Variants in KIAA1328 observed in about 807,000 individuals in gnomAD.
KIAA1328 encodes the protein KIAA1328.
In KIAA1328, 52 loss-of-function variants were observed where a neutral mutation model predicts 68.1. That is an observed-to-expected ratio of 0.76 (90% CI 0.61 to 0.96). The LOEUF is 0.96. KIAA1328 is among the 40% of genes least tolerant of loss of function. The pLI is 0.00. For missense variants in KIAA1328, 641 were observed against 677.6 expected (o/e 0.95, Z 0.60); for synonymous variants, 232 against 239.4 (o/e 0.97, Z 0.28).
At chr18:36,911,603 A>G (rs370054288) in intron 5 of KIAA1328, among the ~76,000 whole-genome samples, 164 of 152,278 alleles carry the variant, frequency 1.1e-3, no homozygotes, top group Middle Eastern at 6.8e-3. Context: ...TTTCTAAAGC[A>G]TTGAGACAAG....
chr18:36,941,782 G>A (rs2050722716), intron 5 of KIAA1328, among the ~76,000 whole-genome samples: 2 of 151,914 alleles, frequency 1.3e-5, no homozygotes, highest in Admixed American at 6.6e-5. Flanking sequence ...ACTACTGTAT[G>A]GTCAGTTCTG....
chr18:37,086,420 A>G (rs1476746053), intron 7 of KIAA1328, among the ~76,000 whole-genome samples: 1 of 152,166 alleles, frequency 6.6e-6, no homozygotes, highest in African/African-American at 2.4e-5. Flanking sequence ...CTGCTCTAGT[A>G]TGAACTTTAT....
At chr18:36,838,827 C>T (rs1465217926) in intron 3 of KIAA1328, among the ~76,000 whole-genome samples, 2 of 152,072 alleles carry the variant, frequency 1.3e-5, no homozygotes, top group Non-Finnish European at 2.9e-5. Context: ...CTCCGCTTCC[C>T]AGGTTCAAGT....
chr18:37,194,386 A>AT (rs1177795142), intron 9 of KIAA1328, among the ~76,000 whole-genome samples: 1 of 152,070 alleles, frequency 6.6e-6, no homozygotes, highest in African/African-American at 2.4e-5. Context: ...AAAGTATTCT[A>AT]TTTTTTTGTC....
At chr18:37,065,401 G>C (rs1489209334) in intron 6 of KIAA1328, among the ~76,000 whole-genome samples, 2 of 152,126 alleles carry the variant, frequency 1.3e-5, no homozygotes, top group Admixed American at 1.3e-4. Context: ...AGAGTAAATA[G>C]GCCTTGGAAA....
At chr18:36,909,704 C>T (rs2049358765) in intron 5 of KIAA1328, among the ~76,000 whole-genome samples, 1 of 152,172 alleles carries the variant, frequency 6.6e-6, no homozygotes, top group Admixed American at 6.5e-5. Flanking sequence ...CTTGAGGAAT[C>T]GCCACACTGT....
chr18:37,207,152 C>A (rs1214441812), intron 9 of KIAA1328, among the ~76,000 whole-genome samples: 3 of 152,106 alleles, frequency 2.0e-5, no homozygotes, highest in African/African-American at 4.8e-5. Context: ...CCTTTGTTTA[C>A]CTTGAGTCAA....
At position 37,105,248 on chromosome 18, in the gene KIAA1328, A is replaced by G. The variant is rs1227981039; in HGVS notation, c.1232+37703A>G. ...CGTGGTGTGGTTGCTGACGCCTGTT[A>G]TCCCACTACTTTGAGAGGCCAAGCC... On this transcript the variant is annotated intron_variant, in intron 7 of 9. Transcript: ENST00000280020. 3.3e-5 allele frequency among the ~76,000 whole-genome samples: 5 copies of G among 152,200 alleles called. No homozygotes were observed. In the East Asian group the frequency reaches 5.8e-4, roughly 18 times the overall value.
intron 7 of KIAA1328, among the ~76,000 whole-genome samples, chr18:37,092,145 C>T (rs2057284806): frequency 2.0e-5 from 3 of 152,100 alleles, no homozygotes; most frequent in Non-Finnish European, 2.9e-5. Flanking sequence ...ACATGCCCAC[C>T]CAGCCCACTG....
At chr18:36,913,007 G>A (rs1235150309) in intron 5 of KIAA1328, among the ~76,000 whole-genome samples, 2 of 152,098 alleles carry the variant, frequency 1.3e-5, no homozygotes, top group African/African-American at 4.8e-5. Flanking sequence ...GTGATTTGAG[G>A]GTCCACACTT....
chr18:37,216,990 G>GTTTTTTTTTTTT (rs1219798631), intron 9 of KIAA1328, among the ~76,000 whole-genome samples: 1 of 39,506 alleles, frequency 2.5e-5, no homozygotes. Context: ...TTTTTTTTTT[G>GTTTTTTTTTTTT]TTTGTTTTTT....
At chr18:36,901,562 C>G (rs2049038926) in intron 5 of KIAA1328, among the ~76,000 whole-genome samples, 1 of 152,014 alleles carries the variant, frequency 6.6e-6, no homozygotes, top group Non-Finnish European at 1.5e-5. Flanking sequence ...AGACAGTGAA[C>G]ATGAAGTCAC....
chr18:37,172,085 C>T (rs1167092004), intron 8 of KIAA1328, among the ~76,000 whole-genome samples: 1 of 152,206 alleles, frequency 6.6e-6, no homozygotes, highest in Non-Finnish European at 1.5e-5. Flanking sequence ...AGTTAGCATA[C>T]TGCACTCCTG....
intron 7 of KIAA1328, among the ~76,000 whole-genome samples, chr18:37,104,020 A>C (rs915103855): frequency 6.6e-6 from 1 of 152,222 alleles, no homozygotes; most frequent in African/African-American, 2.4e-5. Flanking sequence ...AGACATAACA[A>C]ATGTTGGCAA....
intron 6 of KIAA1328, among the ~76,000 whole-genome samples, chr18:36,993,979 AAAAAG>A (rs949141129): frequency 2.6e-5 from 4 of 151,880 alleles, no homozygotes; most frequent in Admixed American, 6.6e-5. Context: ...AAAAAAAAAA[AAAAAG>A]AAAAGCTAAA....
At chr18:37,027,208 G>A (rs1003999564) in intron 6 of KIAA1328, among the ~76,000 whole-genome samples, 3 of 152,144 alleles carry the variant, frequency 2.0e-5, no homozygotes, top group Non-Finnish European at 1.5e-5. Context: ...ACTGGTCAAC[G>A]AAATAAAAGA....
chr18:36,935,096 G>T (rs997481375), intron 5 of KIAA1328, among the ~76,000 whole-genome samples: 40 of 152,214 alleles, frequency 2.6e-4, no homozygotes, highest in African/African-American at 9.4e-4. Context: ...CTAGAGCAAG[G>T]CTTGCCAAAT....
chr18:37,224,027 G>A lies in KIAA1328; in HGVS notation c.*1800G>A, dbSNP rs2060607774. On this transcript the variant is annotated 3_prime_UTR_variant, in exon 10 of 10. Coordinates refer to ENST00000280020, the MANE Select transcript of KIAA1328 (RefSeq NM_020776.3). Reference sequence around the variant, plus strand: ...CATCCCATATCAAAAAGCCTTTGGAGTGTGGAGCTTTCTGTGGTATGGCAG... The same window carrying A: ...CATCCCATATCAAAAAGCCTTTGGAATGTGGAGCTTTCTGTGGTATGGCAG... 5 of 985,336 alleles carry A rather than the reference G, an allele frequency of 5.1e-6. No individual in the cohort carries two copies. In the South Asian group the frequency reaches 2.3e-4, roughly 46 times the overall value. The allele number at this position is 985,336 out of a possible 1,614,324, so 61.0% of individuals were successfully genotyped here.
intron 4 of KIAA1328, among the ~76,000 whole-genome samples, chr18:36,874,637 T>C (rs940995635): frequency 6.6e-6 from 1 of 152,234 alleles, no homozygotes; most frequent in Non-Finnish European, 1.5e-5. Context: ...AGGTTGCCTG[T>C]TCACTCTGAT....
Sources: allele counts gnomAD v4.1 joint callset (sites outside exome capture counted in the v4.1 genomes callset), GRCh38; gene constraint gnomAD v4.1.1; transcripts MANE v1.5; gene names NCBI Gene and HGNC (gene_info 2026-07-23, HGNC 2026-07-21).